The following TMEM131 variants were observed in gnomAD, a reference collection of about 807,000 sequenced individuals.
TMEM131 encodes the protein transmembrane protein 131.
TMEM131 carries 66 observed loss-of-function variants against 211.6 expected under a neutral mutation model. The observed-to-expected ratio is 0.31, with a 90% CI of 0.26 to 0.38. TMEM131 has a LOEUF of 0.38. Among genes scored for constraint, TMEM131 ranks in the 10% least tolerant of loss-of-function variants. The pLI, the probability that TMEM131 is intolerant of heterozygous loss-of-function variation, is 1.00. For missense variants in TMEM131, 2,036 were observed against 2,299.3 expected (o/e 0.89, Z 2.34); for synonymous variants, 844 against 841.3 (o/e 1.00, Z -0.06).
intron 35 of TMEM131, chr2:97,762,588 G>A (rs779800276): frequency 1.4e-4 from 27 of 195,096 alleles, no homozygotes; most frequent in Non-Finnish European, 1.4e-4. Context: ...GCAGTGTTCC[G>A]GGCTGAATCC....
chr2:97,788,620 C>A (rs1427535285), intron 31 of TMEM131, among the ~76,000 whole-genome samples: 2 of 152,228 alleles, frequency 1.3e-5, no homozygotes, highest in Non-Finnish European at 2.9e-5. Flanking sequence ...ATTATCTCCT[C>A]ATTTTCTTCC....
intron 2 of TMEM131, among the ~76,000 whole-genome samples, chr2:97,910,842 T>C (rs1476051692): frequency 2.0e-5 from 3 of 152,212 alleles, no homozygotes; most frequent in Non-Finnish European, 1.5e-5. Context: ...TTGGTTACTA[T>C]AGCCTTGTAG....
intron 1 of TMEM131, among the ~76,000 whole-genome samples, chr2:97,961,766 C>T (rs1383375243): frequency 6.6e-6 from 1 of 152,186 alleles, no homozygotes; most frequent in Non-Finnish European, 1.5e-5. Context: ...GGTGCCAAAG[C>T]AACTCAATGG....
intron 1 of TMEM131, among the ~76,000 whole-genome samples, chr2:97,967,359 A>T (rs1679103156): frequency 6.6e-6 from 1 of 152,236 alleles, no homozygotes; most frequent in Non-Finnish European, 1.5e-5. Context: ...CAGTGTACTG[A>T]AAAATATACT....
chr2:97,981,811 G>T lies in TMEM131; in HGVS notation c.187+13665C>A, dbSNP rs185206446. Among the ~76,000 whole-genome samples, 3 of 152,190 alleles carry T rather than the reference G, an allele frequency of 2.0e-5. No homozygotes were observed. In the East Asian group the frequency reaches 5.8e-4, roughly 29 times the overall value. On this transcript the variant is annotated intron_variant, in intron 1 of 40. Coordinates refer to ENST00000186436, the MANE Select transcript of TMEM131 (RefSeq NM_015348.2). ...TAAATGGCTTCTATGGTCTTATATG[G>T]TCTTTTGTGAGTGGCTTTGTTCACT...
At chr2:97,856,456 A>G (rs1673850664) in intron 5 of TMEM131, among the ~76,000 whole-genome samples, 1 of 152,248 alleles carries the variant, frequency 6.6e-6, no homozygotes, top group South Asian at 2.1e-4. Context: ...GTGTTAAAAT[A>G]TAATTATGTA....
At chr2:97,986,852 C>T (rs895335469) in intron 1 of TMEM131, among the ~76,000 whole-genome samples, 1 of 152,258 alleles carries the variant, frequency 6.6e-6, no homozygotes. Flanking sequence ...CTCTCTTGTA[C>T]ACTGCTCTAC....
At position 97,760,842 on chromosome 2, in the gene TMEM131, G is replaced by A. The variant is rs199720323; in HGVS notation, c.4962C>T (p.Asn1654=). 28 of 1,613,934 alleles carry A rather than the reference G, an allele frequency of 1.7e-5. No homozygotes were observed. In the Middle Eastern group the frequency reaches 9.9e-4, roughly 57 times the overall value. Residue 1654 remains asparagine (N), a synonymous_variant, in exon 37 of 41, where the codon AAC becomes AAT. Transcript: ENST00000186436. ...LTKAASLPGK[N]GNPTFAAVTA... ...TGACTGCAGCAAAAGTGGGGTTGCC[G>A]TTCTTGCCCGGGAGCGAGGCTGCCT...
chr2:97,822,365 C>T (rs959052907), intron 11 of TMEM131, among the ~76,000 whole-genome samples: 1 of 152,158 alleles, frequency 6.6e-6, no homozygotes, highest in African/African-American at 2.4e-5. Context: ...AAACGATATC[C>T]TTCCTTTTCA....
intron 11 of TMEM131, among the ~76,000 whole-genome samples, chr2:97,827,090 A>T (rs1389374896): frequency 6.6e-6 from 1 of 151,394 alleles, no homozygotes; most frequent in Non-Finnish European, 1.5e-5. Flanking sequence ...AAAAAAAAAA[A>T]ATTTTAAAAT....
rs372788949 is a variant in TMEM131, at chr2:97,995,379, G to A, written c.187+97C>T. 53 of 1,200,922 alleles carry A rather than the reference G, an allele frequency of 4.4e-5. No homozygotes were observed. The African/African-American group carries it at 7.2e-4, about 16-fold the overall frequency. The allele number at this position is 1,200,922 out of a possible 1,614,324, so 74.4% of individuals were successfully genotyped here. ...CCCGACCGCCCAACTTTGCGCCGGA[G>A]CCCCGGCCGCGGCCCTTCCTCCCGG... On this transcript the variant is annotated intron_variant, in intron 1 of 40. Transcript: ENST00000186436.
intron 1 of TMEM131, among the ~76,000 whole-genome samples, chr2:97,972,300 C>T (rs941434479): frequency 2.0e-5 from 3 of 152,126 alleles, no homozygotes; most frequent in Non-Finnish European, 4.4e-5. Flanking sequence ...CAGTCCAAAA[C>T]TGAACAATGT....
chr2:97,970,188 A>G (rs146305479), intron 1 of TMEM131, among the ~76,000 whole-genome samples: 78 of 152,310 alleles, frequency 5.1e-4, no homozygotes, highest in Non-Finnish European at 8.8e-4. Flanking sequence ...TGAATAAATA[A>G]AACACAGTAC....
chr2:97,857,435 A>G (rs1673893675), intron 5 of TMEM131, among the ~76,000 whole-genome samples: 1 of 152,208 alleles, frequency 6.6e-6, no homozygotes, highest in Non-Finnish European at 1.5e-5. Flanking sequence ...TAGCAATGAA[A>G]AAAATAAAAA....
intron 4 of TMEM131, among the ~76,000 whole-genome samples, chr2:97,870,159 CTA>C (rs372754474): frequency 1.3e-5 from 2 of 152,270 alleles, no homozygotes; most frequent in African/African-American, 4.8e-5. Flanking sequence ...CAAAAAAAAT[CTA>C]TCTCAAAGGT....
chr2:97,797,771 C>G (rs1317972670), intron 25 of TMEM131, among the ~76,000 whole-genome samples: 3 of 152,240 alleles, frequency 2.0e-5, no homozygotes, highest in Admixed American at 2.0e-4. Flanking sequence ...AATGTTTGCA[C>G]AAGGCATTTG....
chr2:97,984,772 T>A (rs1414599551), intron 1 of TMEM131, among the ~76,000 whole-genome samples: 1 of 151,468 alleles, frequency 6.6e-6, no homozygotes, highest in African/African-American at 2.4e-5. Context: ...TGAGGGATCA[T>A]ATCGATATAA....
intron 19 of TMEM131, among the ~76,000 whole-genome samples, chr2:97,806,485 G>C (rs968775045): frequency 6.6e-6 from 1 of 152,164 alleles, no homozygotes; most frequent in African/African-American, 2.4e-5. Flanking sequence ...AGGCTGCAGT[G>C]AGCCGAGATC....
At position 97,988,101 on chromosome 2, in the gene TMEM131, A is replaced by C. The variant is rs571300561; in HGVS notation, c.187+7375T>G. ...TTCAAAATAGTCTGGTACTGGCATAAAGACAGACACACAGAGCAGTTAAAC... is the reference window on the plus strand; with the variant it reads ...TTCAAAATAGTCTGGTACTGGCATACAGACAGACACACAGAGCAGTTAAAC... On this transcript the variant is annotated intron_variant, in intron 1 of 40. Transcript: ENST00000186436. 3.0e-5 allele frequency among the ~76,000 whole-genome samples: 4 copies of C among 134,172 alleles called. No homozygotes were observed. The South Asian group carries it at 8.6e-4, about 29-fold the overall frequency. The allele number at this position is 134,172 out of a possible 152,430, so 88.0% of individuals were successfully genotyped here.
Sources: allele counts gnomAD v4.1 joint callset (sites outside exome capture counted in the v4.1 genomes callset), GRCh38; gene constraint gnomAD v4.1.1; transcripts MANE v1.5; gene names NCBI Gene and HGNC (gene_info 2026-07-23, HGNC 2026-07-21).